GTF2A1L: variants seen among roughly 807,000 people sequenced by gnomAD.
GTF2A1L encodes the protein TFIIA-alpha and beta-like factor.
Under a neutral mutation model 49.7 loss-of-function variants are expected in GTF2A1L, and 48 were observed. The ratio of observed to expected loss-of-function variants is 0.97; its 90% CI spans 0.77 to 1.23. GTF2A1L has a LOEUF of 1.23. GTF2A1L is among the 50% of genes most tolerant of loss of function. The pLI, the probability that GTF2A1L is intolerant of heterozygous loss-of-function variation, is 0.00. For synonymous variants in GTF2A1L, 246 were observed against 193.5 expected, an observed-to-expected ratio of 1.27 and a Z score of -2.25; for missense variants, 736 against 564.8, an observed-to-expected ratio of 1.30 and a Z score of -3.07.
intron 8 of GTF2A1L, among the ~76,000 whole-genome samples, chr2:48,674,548 A>T (rs914662004): frequency 2.0e-5 from 3 of 152,148 alleles, no homozygotes; most frequent in Admixed American, 1.3e-4. Context: ...TAAACATAAG[A>T]AGGAATAGGG....
At chr2:48,669,583 A>G (rs1011646051) in intron 6 of GTF2A1L, 139 bp from the exon 7 acceptor site, 55 of 1,041,818 alleles carry the variant, frequency 5.3e-5, no homozygotes, top group Middle Eastern at 3.5e-4. Flanking sequence ...TCTAAAATTC[A>G]AAGTTAGATT....
intron 3 of GTF2A1L, among the ~76,000 whole-genome samples, chr2:48,640,029 T>C (rs1174486804): frequency 6.6e-6 from 1 of 152,156 alleles, no homozygotes; most frequent in East Asian, 1.9e-4. Flanking sequence ...ATGGCTGTTG[T>C]TAAAAAGTAA....
chr2:48,648,223 T>G (rs980130360), intron 6 of GTF2A1L, among the ~76,000 whole-genome samples: 1 of 125,942 alleles, frequency 7.9e-6, no homozygotes, highest in Non-Finnish European at 1.9e-5. Flanking sequence ...TTTATTGAGG[T>G]TTTTTTTACG....
chr2:48,646,655 C>T lies in GTF2A1L; in HGVS notation c.591C>T (p.Pro197=), dbSNP rs776875868. 1.3e-4 allele frequency: 212 copies of T among 1,613,926 alleles called. 4 individuals carry two copies. In the South Asian group the frequency reaches 1.5e-3, roughly 11 times the overall value. Residue 197 remains proline, a synonymous_variant, in exon 6 of 9, where the codon CCC becomes CCT. Coordinates refer to ENST00000403751, the MANE Select transcript of GTF2A1L (RefSeq NM_006872.5). ...SQRIETVLQQ[P]AILPSGPVDR... The stretch of plus-strand genomic sequence containing the variant: ...GAATTGAAACCGTGCTACAGCAACC[C>T]GCAATTCTACCTTCTGGGCCAGTAG...
intron 6 of GTF2A1L, among the ~76,000 whole-genome samples, chr2:48,666,798 C>T (rs1426274865): frequency 6.6e-6 from 1 of 151,818 alleles, no homozygotes; most frequent in Admixed American, 6.6e-5. Context: ...TTCCTAACTC[C>T]CCAAACTTGT....
intron 3 of GTF2A1L, among the ~76,000 whole-genome samples, chr2:48,634,110 A>T (rs1676747086): frequency 6.6e-6 from 1 of 152,000 alleles, no homozygotes; most frequent in South Asian, 2.1e-4. Context: ...TAATATTGAT[A>T]TGTGAGGTTT....
chr2:48,629,711 T>C (rs1433365478), intron 3 of GTF2A1L, among the ~76,000 whole-genome samples: 1 of 144,450 alleles, frequency 6.9e-6, no homozygotes, highest in East Asian at 1.9e-4. Context: ...GGTTAGGTCT[T>C]GAATCCAAAG....
At chr2:48,663,109 C>T (rs1247593302) in intron 6 of GTF2A1L, among the ~76,000 whole-genome samples, 2 of 152,080 alleles carry the variant, frequency 1.3e-5, no homozygotes, top group East Asian at 3.9e-4. Flanking sequence ...AGAGGTCTCC[C>T]TTGTAGATAG....
chr2:48,672,011 G>A (rs3792246), intron 8 of GTF2A1L, among the ~76,000 whole-genome samples: 77,208 of 152,116 alleles, frequency 0.51, 21,629 homozygotes, highest in East Asian at 0.92. Flanking sequence ...TATGTGGAAT[G>A]TAATCAAATG....
chr2:48,670,660 T>C (rs1401226875), intron 7 of GTF2A1L, among the ~76,000 whole-genome samples: 1 of 152,206 alleles, frequency 6.6e-6, no homozygotes, highest in Admixed American at 6.5e-5. Context: ...CTTATATATG[T>C]GCCAGGCATC....
chr2:48,678,797 CCT>C (rs1679607794), intron 8 of GTF2A1L, among the ~76,000 whole-genome samples: 1 of 151,870 alleles, frequency 6.6e-6, no homozygotes, highest in African/African-American at 2.4e-5. Flanking sequence ...CTACATCTTC[CCT>C]GTTTATTCCT....
rs553278919 is a variant in GTF2A1L, at chr2:48,649,809, C to T, written c.978+2767C>T. Among the ~76,000 whole-genome samples, 41 of 152,274 alleles carry T rather than the reference C, an allele frequency of 2.7e-4. 1 individual carries two copies. In the South Asian group the frequency reaches 7.5e-3, roughly 28 times the overall value. The stretch of plus-strand genomic sequence containing the variant: ...TAATATACATATACAAAGCATATTA[C>T]GCGTTCTTTCTCTGCCAAAGTTTCC... On this transcript the variant is annotated intron_variant, in intron 6 of 8. Coordinates refer to ENST00000403751, the MANE Select transcript of GTF2A1L (RefSeq NM_006872.5).
intron 3 of GTF2A1L, chr2:48,632,764 A>G (rs1214609189): frequency 1.2e-5 from 2 of 167,614 alleles, no homozygotes; most frequent in African/African-American, 2.4e-5. Context: ...CATCAGTCCA[A>G]TTTATCTTAA....
At chr2:48,635,041 A>AG (rs1676807754) in intron 3 of GTF2A1L, among the ~76,000 whole-genome samples, 1 of 152,190 alleles carries the variant, frequency 6.6e-6, no homozygotes, top group African/African-American at 2.4e-5. Flanking sequence ...CACAGTGATG[A>AG]GGGGCAGCCT....
chr2:48,650,129 T>C (rs1677763091), intron 6 of GTF2A1L, among the ~76,000 whole-genome samples: 1 of 152,220 alleles, frequency 6.6e-6, no homozygotes, highest in Non-Finnish European at 1.5e-5. Flanking sequence ...AGTTCAAAGA[T>C]ACATTGATAT....
At chr2:48,670,906 C>T (rs1358503538) in intron 7 of GTF2A1L, among the ~76,000 whole-genome samples, 1 of 152,032 alleles carries the variant, frequency 6.6e-6, no homozygotes, top group African/African-American at 2.4e-5. Context: ...TCACTGCAAC[C>T]TCTGCTTCCT....
chr2:48,668,572 C>T (rs1558767870), intron 6 of GTF2A1L: 3 of 152,356 alleles, frequency 2.0e-5, no homozygotes, highest in Non-Finnish European at 4.4e-5. Context: ...TGACTTACGC[C>T]TGTAATCTCA....
chr2:48,674,423 A>C (rs993684243), intron 8 of GTF2A1L, among the ~76,000 whole-genome samples: 4 of 152,186 alleles, frequency 2.6e-5, no homozygotes, highest in African/African-American at 9.6e-5. Flanking sequence ...GAAACAAAGA[A>C]TAATGTTTTG....
intron 8 of GTF2A1L, among the ~76,000 whole-genome samples, chr2:48,678,694 A>T (rs1332288213): frequency 6.6e-6 from 1 of 152,060 alleles, no homozygotes; most frequent in Non-Finnish European, 1.5e-5. Context: ...AGTCTTACAG[A>T]TTATAAGCTG....
Sources: allele counts gnomAD v4.1 joint callset (sites outside exome capture counted in the v4.1 genomes callset), GRCh38; gene constraint gnomAD v4.1.1; transcripts MANE v1.5; gene names NCBI Gene and HGNC (gene_info 2026-07-23, HGNC 2026-07-21).